IL32: variants seen among roughly 807,000 people sequenced by gnomAD.
IL32 encodes interleukin 32.
In IL32, 30 loss-of-function variants were observed where a neutral mutation model predicts 16.6. The ratio of observed to expected loss-of-function variants is 1.81; its 90% CI spans 1.35 to 2.45. The LOEUF (loss-of-function observed/expected upper bound fraction) is 2.45, where lower values mean the gene tolerates loss of function less well. IL32 is among the 30% of genes most tolerant of loss of function. IL32 has a pLI of 0.00. For missense variants in IL32, 234 were observed against 229.8 expected, an observed-to-expected ratio of 1.02 and a Z score of -0.12; for synonymous variants, 70 against 86.1, an observed-to-expected ratio of 0.81 and a Z score of 1.03.
intron 6 of IL32, chr16:3,068,495 T>C (rs896851279): frequency 6.0e-6 from 3 of 503,592 alleles, no homozygotes; most frequent in East Asian, 7.4e-5. Context: ...GTGTTTTTAG[T>C]AGAGACCAGG....
chr16:3,068,001 A>G lies in IL32; in HGVS notation c.132A>G (p.Ala44=), dbSNP rs1956608426. The change falls in exon 5 of 7, where the codon GCA becomes GCG. Residue 44 remains alanine (A), a synonymous_variant. Transcript: ENST00000525643. ...SGRGQVMSSL[A]ELEDDFKEGY... is the part of the protein sequence containing the mutation. ...CCTAACAGGTGATGTCGAGCCTGGC[A>G]GAGCTGGAGGTGAGCCGTGGCCTCC... 1.2e-6 allele frequency: 2 copies of G among 1,614,154 alleles called. No homozygotes were observed. The highest frequency in any genetic ancestry group is 1.7e-6 in the Non-Finnish European group (2 of 1,180,002).
intron 4 of IL32, 70 bp from the exon 5 acceptor site, chr16:3,067,914 G>C: frequency 1.3e-6 from 2 of 1,565,518 alleles, no homozygotes. Flanking sequence ...GACTCACTGG[G>C]CTTGAGGACT....
chr16:3,067,243 T>C (rs548854691), intron 2 of IL32, 134 bp from the exon 3 acceptor site: 29 of 659,156 alleles, frequency 4.4e-5, no homozygotes, highest in African/African-American at 4.4e-4. Context: ...TGCTGTCTCC[T>C]CTTATCCTGT....
Position 3,065,963 on chromosome 16 carries a change from G to A in IL32, c.15+137G>A, listed in dbSNP as rs773909642. On this transcript the variant is annotated intron_variant, in intron 2 of 6. Coordinates refer to ENST00000525643, the MANE Select transcript of IL32 (RefSeq NM_001376923.1). ...CACCCAGCGGCAGGAGGATAGTGAT[G>A]GGGTGAGAGTGTCAGTGGAGGCGCT... The A allele has an allele frequency of 6.0e-5, 63 of 1,048,044 alleles. 1 individual carries two copies. The highest frequency in any genetic ancestry group is 8.5e-5 in the Non-Finnish European group (57 of 666,926). 64.9% of individuals were successfully genotyped at this position (1,048,044 alleles called of 1,614,324 possible).
At chr16:3,067,835 A>G in intron 4 of IL32, 149 bp from the exon 5 acceptor site, 1 of 980,562 alleles carries the variant, frequency 1.0e-6, no homozygotes, top group East Asian at 2.5e-5. Flanking sequence ...CTCCTTGAGG[A>G]AACAACAGGG....
intron 2 of IL32, among the ~76,000 whole-genome samples, chr16:3,066,992 G>C (rs1237776511): frequency 1.1e-5 from 1 of 94,152 alleles, no homozygotes; most frequent in Non-Finnish European, 2.3e-5. Flanking sequence ...GGTCACCTAG[G>C]CCCACGCAGG....
At chr16:3,067,803 G>C in intron 4 of IL32, 181 bp from the exon 5 acceptor site, 1 of 825,638 alleles carries the variant, frequency 1.2e-6, no homozygotes, top group East Asian at 2.6e-5. Flanking sequence ...GGGAGACTGA[G>C]GGAGGCATCC....
rs1273145559 is a variant in IL32, at chr16:3,069,364, A to G, written c.*9A>G. ...CCCAATCCTCAAAATGAAGATACTG[A>G]CACCACCTTTGCCCTCCCCGTCACC... On this transcript the variant is annotated 3_prime_UTR_variant, in exon 7 of 7. Transcript: ENST00000525643. 1 of 1,572,466 alleles carries G rather than the reference A, an allele frequency of 6.4e-7. No individual in the cohort carries two copies. Among genetic ancestry groups the G allele is most frequent in the Non-Finnish European group, 8.6e-7 (1 of 1,158,920 alleles).
In IL32 at chr16:3,067,536, C is replaced by G. The variant is rs962309213; in HGVS notation, c.55-18C>G. The G allele has an allele frequency of 6.2e-7, 1 of 1,613,950 alleles. No individual in the cohort carries two copies. Among genetic ancestry groups the G allele is most frequent in the African/African-American group, 1.3e-5 (1 of 74,874 alleles). Reference sequence around the variant, plus strand: ...CAAGGATCCGGCCCTTTGGTGCCAACTCTGCCTCTCTTCACAGCACCAGGC... The same window carrying G: ...CAAGGATCCGGCCCTTTGGTGCCAAGTCTGCCTCTCTTCACAGCACCAGGC... On this transcript the variant is annotated intron_variant, in intron 3 of 6. Coordinates refer to ENST00000525643, the MANE Select transcript of IL32 (RefSeq NM_001376923.1).
chr16:3,067,566 G>C lies in IL32; in HGVS notation c.67G>C (p.Glu23Gln), dbSNP rs910339811. The change falls in exon 4 of 7, where the codon GAA becomes CAA. Residue 23 changes from glutamate (E) to glutamine (Q), a missense_variant. Transcript: ENST00000525643. ...CCTCTCTTCACAGCACCAGGCCATA[G>C]AAAGATTTTATGATAAAATGCAAAA... ...KLKARMHQAI[E>Q]RFYDKMQNAE... 3 of 1,614,042 alleles carry C rather than the reference G, an allele frequency of 1.9e-6. No individual in the cohort carries two copies. The highest frequency in any genetic ancestry group is 2.5e-6 in the Non-Finnish European group (3 of 1,179,982).
chr16:3,066,845 C>G lies in IL32; in HGVS notation c.16-532C>G, dbSNP rs78410470. Among the ~76,000 whole-genome samples, 1,269 of 152,072 alleles carry G rather than the reference C, an allele frequency of 8.3e-3. 11 individuals are homozygous for G. Among genetic ancestry groups the G allele is most frequent in the African/African-American group, 0.028 (1,143 of 41,390 alleles). On this transcript the variant is annotated intron_variant, in intron 2 of 6. Transcript: ENST00000525643. Reference sequence around the variant, plus strand: ...GGAAACCCAGCTGAGCCAGCCTGCTCCAGGACAGTGTCCATCCTCCCGTGT... The same window carrying G: ...GGAAACCCAGCTGAGCCAGCCTGCTGCAGGACAGTGTCCATCCTCCCGTGT...
rs571812592 is a variant in IL32, at chr16:3,065,907, A to G, written c.15+81A>G. 2.8e-5 allele frequency: 44 copies of G among 1,546,388 alleles called. 1 individual carries two copies. In the East Asian group the frequency reaches 8.8e-4, roughly 31 times the overall value. On this transcript the variant is annotated intron_variant, in intron 2 of 6. Coordinates refer to ENST00000525643, the MANE Select transcript of IL32 (RefSeq NM_001376923.1). ...GTGCGGGTGCCCTCAGTATTTCCCGAGGTGCCTGTGTGTCAGGGCTCAGTC... is the reference window on the plus strand; with the variant it reads ...GTGCGGGTGCCCTCAGTATTTCCCGGGGTGCCTGTGTGTCAGGGCTCAGTC...
intron 6 of IL32, chr16:3,068,673 A>T (rs1020980931): frequency 6.8e-6 from 3 of 440,348 alleles, no homozygotes; most frequent in Non-Finnish European, 1.3e-5. Flanking sequence ...CTTGGGGTGG[A>T]GGGCTGGGAG....
In IL32 at chr16:3,069,068, G is replaced by C. The variant is rs1956765134; in HGVS notation, c.280G>C (p.Asp94His). The C allele has an allele frequency of 6.2e-7, 1 of 1,607,682 alleles. No homozygotes were observed. The highest frequency in any genetic ancestry group is 8.5e-7 in the Non-Finnish European group (1 of 1,176,050). The change falls in exon 7 of 7, where the codon GAT (aspartate) becomes CAT (histidine). Residue 94 changes from aspartate to histidine, a missense_variant. Asp to His is a moderately conservative substitution (Grantham distance 81, BLOSUM62 -1). Coordinates refer to ENST00000525643, the MANE Select transcript of IL32 (RefSeq NM_001376923.1). ...GNRSPVPDVEDPATEEPGESF... is the reference protein window; with the variant it reads ...GNRSPVPDVEHPATEEPGESF... ...CAGATCCCCTGTCCCGGATGTTGAG[G>C]ATCCCGCAACCGAGGAGCCTGGGGA... is the stretch of plus-strand genomic sequence containing the variant.
chr16:3,067,624 T>C lies in IL32; in HGVS notation c.114+11T>C, dbSNP rs267604510. The C allele has an allele frequency of 4.2e-5, 67 of 1,590,756 alleles. No homozygotes were observed. The highest frequency in any genetic ancestry group is 5.3e-5 in the Non-Finnish European group (62 of 1,161,536). ...TCAGGACGTGGACAGGTGGGTGGAT[T>C]TCCCCTCAGGCACCAGGTCACATGT... On this transcript the variant is annotated intron_variant, in intron 4 of 6. Transcript: ENST00000525643.
rs1956457577 is a variant in IL32, at chr16:3,067,271, C to CTGTGTGTA, written c.16-99_16-98insATGTGTGT. 4.8e-5 allele frequency: 29 copies of CTGTGTGTA among 603,558 alleles called. 1 individual carries two copies. Among genetic ancestry groups the CTGTGTGTA allele is most frequent in the Non-Finnish European group, 2.9e-6 (1 of 342,888 alleles). The allele number at this position is 603,558 out of a possible 1,614,324, so 37.4% of individuals were successfully genotyped here. On this transcript the variant is annotated intron_variant, in intron 2 of 6. Coordinates refer to ENST00000525643, the MANE Select transcript of IL32 (RefSeq NM_001376923.1). The stretch of plus-strand genomic sequence containing the variant: ...TATCCTGTACCTCTGCCATGTGTCT[C>CTGTGTGTA]TGTGTGTGTGTGTGTGTGTGTGTGT...
Position 3,068,140 on chromosome 16 carries a change from G to A in IL32, c.142-40G>A, listed in dbSNP as rs775786087. ...GGGGGCCACAGTGGGAAGGGGGCAG[G>A]CAGGAGCAGCATGAACCCCCTGTGC... On this transcript the variant is annotated intron_variant, in intron 5 of 6. Transcript: ENST00000525643. 5.0e-6 allele frequency: 8 copies of A among 1,602,306 alleles called. 1 individual carries two copies. In the Admixed American group the frequency reaches 6.8e-5, roughly 14 times the overall value.
intron 4 of IL32, 168 bp from the exon 5 acceptor site, chr16:3,067,816 G>A: frequency 1.2e-6 from 1 of 868,518 alleles, no homozygotes; most frequent in Admixed American, 2.2e-5. Flanking sequence ...AGGCATCCAA[G>A]CCCCAGGGCT....
chr16:3,065,885 C>T (rs188483845), intron 2 of IL32, 59 bp downstream of exon 2: 157 of 1,599,804 alleles, frequency 9.8e-5, no homozygotes, highest in Middle Eastern at 3.3e-4. Flanking sequence ...CGTAAGGGTG[C>T]GGGTGCCCTC....
Sources: allele counts gnomAD v4.1 joint callset (sites outside exome capture counted in the v4.1 genomes callset), GRCh38; gene constraint gnomAD v4.1.1; transcripts MANE v1.5; gene names NCBI Gene and HGNC (gene_info 2026-07-23, HGNC 2026-07-21).